Variants in GPBP1L1 observed in about 807,000 individuals in gnomAD.
The protein encoded by GPBP1L1 is GC-rich promoter binding protein 1 like 1.
GPBP1L1 carries 23 observed loss-of-function variants against 52.5 expected under a neutral mutation model. The observed-to-expected ratio is 0.44, with a 90% CI of 0.32 to 0.62. The LOEUF is 0.62. GPBP1L1 is among the 20% of genes least tolerant of loss of function. The pLI, the probability that GPBP1L1 is intolerant of heterozygous loss-of-function variation, is 0.06. For synonymous variants in GPBP1L1, 243 were observed against 203.1 expected (o/e 1.20, Z -1.67); for missense variants, 596 against 579.3 (o/e 1.03, Z -0.30).
chr1:45,654,695 G>A lies in GPBP1L1; in HGVS notation c.325C>T (p.Arg109Cys), dbSNP rs140154727. 3.1e-5 allele frequency: 50 copies of A among 1,613,994 alleles called. No individual in the cohort carries two copies. In the African/African-American group the frequency reaches 5.2e-4, roughly 17 times the overall value. The change falls in exon 6 of 13, where the codon CGT (arginine) becomes TGT (cysteine). Residue 109 changes from arginine (R) to cysteine (C), a missense_variant. Transcript: ENST00000355105. ...TGGTTCCCTGTGCCACCTCCACTAC[G>A]TTGGCTCATGCCATCATGACCTCGG... ...SSRGHDGMSQ[R>C]SGGGTGNHRH...
intron 4 of GPBP1L1, among the ~76,000 whole-genome samples, chr1:45,657,670 G>T (rs1485813571): frequency 6.6e-6 from 1 of 152,104 alleles, no homozygotes; most frequent in Admixed American, 6.5e-5. Flanking sequence ...GGGCAACATG[G>T]TGAGACCCTA....
intron 6 of GPBP1L1, among the ~76,000 whole-genome samples, chr1:45,648,249 T>C (rs942237956): frequency 6.6e-6 from 1 of 152,200 alleles, no homozygotes; most frequent in Non-Finnish European, 1.5e-5. Flanking sequence ...CTACGTGCTA[T>C]TTCTATTTTC....
intron 6 of GPBP1L1, among the ~76,000 whole-genome samples, chr1:45,644,306 G>C (rs1644712613): frequency 6.6e-6 from 1 of 152,120 alleles, no homozygotes; most frequent in African/African-American, 2.4e-5. Context: ...GTTGTACCCA[G>C]GGTTCTCAGA....
intron 2 of GPBP1L1, among the ~76,000 whole-genome samples, chr1:45,669,992 T>C (rs1439158239): frequency 6.6e-6 from 1 of 152,258 alleles, no homozygotes; most frequent in Non-Finnish European, 1.5e-5. Context: ...ACATAGTAGA[T>C]AAATATTTCC....
In GPBP1L1 at chr1:45,640,307, G is replaced by A; in HGVS notation, c.647C>T (p.Ser216Leu). 2 of 1,614,078 alleles carry A rather than the reference G, an allele frequency of 1.2e-6. No individual in the cohort carries two copies. The highest frequency in any genetic ancestry group is 1.7e-6 in the Non-Finnish European group (2 of 1,179,914). The change falls in exon 8 of 13, where the codon TCA (serine) becomes TTA (leucine). Residue 216 changes from serine (S) to leucine (L), a missense_variant. By Grantham distance (145) the Ser-to-Leu change is moderately radical. Coordinates refer to ENST00000355105, the MANE Select transcript of GPBP1L1 (RefSeq NM_021639.5). ...PAAAFSAAFT[S>L]PGSHHANGNK... ...CCCATTTGCATGGTGAGATCCTGGT[G>A]AGGTGAATGCAGCAGAGAAGGCAGC...
At position 45,655,179 on chromosome 1, in the gene GPBP1L1, A is replaced by ACATG. The variant is rs1368145384; in HGVS notation, c.190+7_190+10dup. ...GCTTAAATATAGTCATGAAAGTTGG[A>ACATG]CATGGCTCACCTCCTGCAGTTCGTA... is the stretch of plus-strand genomic sequence containing the variant. On this transcript the variant is annotated intron_variant, in intron 5 of 12. Transcript: ENST00000355105. 1 of 1,614,028 alleles carries ACATG rather than the reference A, an allele frequency of 6.2e-7. No homozygotes were observed.
At chr1:45,657,368 T>C (rs1013210787) in intron 4 of GPBP1L1, among the ~76,000 whole-genome samples, 3 of 152,016 alleles carry the variant, frequency 2.0e-5, no homozygotes, top group African/African-American at 7.3e-5. Flanking sequence ...CCCTGTCTTC[T>C]ACAGAAAACT....
intron 2 of GPBP1L1, among the ~76,000 whole-genome samples, chr1:45,671,762 C>G (rs964523058): frequency 6.6e-6 from 1 of 151,766 alleles, no homozygotes; most frequent in Non-Finnish European, 1.5e-5. Context: ...AAGCTGAGGC[C>G]GCAGTGAGCA....
intron 2 of GPBP1L1, among the ~76,000 whole-genome samples, chr1:45,666,445 C>T (rs1645012542): frequency 6.6e-6 from 1 of 152,168 alleles, no homozygotes; most frequent in African/African-American, 2.4e-5. Flanking sequence ...CGCGCTCGGC[C>T]TCAAAGTACT....
At chr1:45,676,829 T>A (rs557825117) in intron 2 of GPBP1L1, among the ~76,000 whole-genome samples, 9 of 150,102 alleles carry the variant, frequency 6.0e-5, no homozygotes, top group African/African-American at 2.2e-4. Flanking sequence ...CAGTGAGCCA[T>A]GATTGTGCCA....
chr1:45,664,115 G>A (rs1325293600), intron 2 of GPBP1L1, among the ~76,000 whole-genome samples: 12 of 152,020 alleles, frequency 7.9e-5, no homozygotes, highest in Non-Finnish European at 1.6e-4. Context: ...GGCGGATCAC[G>A]AGGTCAGGAA....
chr1:45,631,171 A>G (rs1644526489), intron 10 of GPBP1L1, among the ~76,000 whole-genome samples: 1 of 152,242 alleles, frequency 6.6e-6, no homozygotes, highest in South Asian at 2.1e-4. Context: ...CCTAAATGTA[A>G]AACACAAAAC....
chr1:45,664,652 C>T (rs930403998), intron 2 of GPBP1L1, among the ~76,000 whole-genome samples: 1 of 150,142 alleles, frequency 6.7e-6, no homozygotes, highest in Non-Finnish European at 1.5e-5. Context: ...TGCCTGAGCT[C>T]AAGCATCTCA....
chr1:45,633,359 G>T, intron 10 of GPBP1L1, 130 bp downstream of exon 10: 1 of 911,494 alleles, frequency 1.1e-6, no homozygotes, highest in Non-Finnish European at 1.7e-6. Flanking sequence ...CTAGAAGGCA[G>T]TTACACCTAC....
chr1:45,639,822 G>A (rs1187651579), intron 8 of GPBP1L1, among the ~76,000 whole-genome samples: 1 of 152,062 alleles, frequency 6.6e-6, no homozygotes, highest in Non-Finnish European at 1.5e-5. Flanking sequence ...AGCTTGCAGT[G>A]AGCTGAGATC....
At chr1:45,636,226 T>C (rs1386481818) in intron 8 of GPBP1L1, among the ~76,000 whole-genome samples, 2 of 152,212 alleles carry the variant, frequency 1.3e-5, no homozygotes, top group Non-Finnish European at 2.9e-5. Context: ...CCCTTCTTGA[T>C]TTCCTGATGC....
In GPBP1L1 at chr1:45,681,408, A is replaced by G. The variant is rs530841175; in HGVS notation, c.-1098+4168T>C. On this transcript the variant is annotated intron_variant, in intron 2 of 12. Transcript: ENST00000355105. ...ACAAATGACCTGGTTTCTTCAACAA[A>G]GTACAAGGAAAAAAACTGAGGAGAA... Among the ~76,000 whole-genome samples the G allele has an allele frequency of 7.2e-5, 11 of 152,354 alleles. No homozygotes were observed. The South Asian group carries it at 2.3e-3, about 32-fold the overall frequency.
intron 2 of GPBP1L1, among the ~76,000 whole-genome samples, chr1:45,678,760 A>C (rs960486522): frequency 1.3e-5 from 2 of 152,226 alleles, no homozygotes; most frequent in African/African-American, 4.8e-5. Context: ...AATGGCTTGG[A>C]TAGCTAGCTG....
intron 2 of GPBP1L1, among the ~76,000 whole-genome samples, chr1:45,673,730 C>T (rs1352145172): frequency 6.6e-6 from 1 of 152,142 alleles, no homozygotes; most frequent in East Asian, 1.9e-4. Flanking sequence ...GGCGTAATGG[C>T]ACATGCCTGT....
Sources: allele counts gnomAD v4.1 joint callset (sites outside exome capture counted in the v4.1 genomes callset), GRCh38; gene constraint gnomAD v4.1.1; transcripts MANE v1.5; gene names NCBI Gene and HGNC (gene_info 2026-07-23, HGNC 2026-07-21).